GPR139: variants seen among roughly 807,000 people sequenced by gnomAD.
GPR139 encodes G protein-coupled receptor 139, also known as probable G protein-coupled receptor 139.
A neutral mutation model predicts 25.8 loss-of-function variants in GPR139; 12 were observed. That is an observed-to-expected ratio of 0.47 (90% confidence interval 0.30 to 0.75). GPR139 has a LOEUF of 0.75. Ranked by LOEUF, GPR139 falls within the 30% of genes least tolerant of loss-of-function variation. GPR139 has a pLI of 0.07. For synonymous variants in GPR139, 184 were observed against 179.9 expected (o/e 1.02, Z -0.18); for missense variants, 380 against 450.2 (o/e 0.84, Z 1.41).
chr16:20,062,223 A>T (rs2057416635), intron 1 of GPR139, among the ~76,000 whole-genome samples: 1 of 152,114 alleles, frequency 6.6e-6, no homozygotes, highest in Non-Finnish European at 1.5e-5. Flanking sequence ...TGAAGTCCTA[A>T]CCCCCAATGT....
At chr16:20,038,204 T>A (rs908298917) in intron 1 of GPR139, among the ~76,000 whole-genome samples, 3 of 152,006 alleles carry the variant, frequency 2.0e-5, no homozygotes, top group African/African-American at 7.3e-5. Context: ...ATGCCCACTT[T>A]CCCTTTCACA....
rs2764783 is a variant in GPR139 at position 20,073,306 on chromosome 16, G to A, written c.127+184C>T. Among the ~76,000 whole-genome samples the A allele has an allele frequency of 0.016, 2,368 of 146,138 alleles. 51 individuals carry two copies. Among genetic ancestry groups the A allele is most frequent in the African/African-American group, 0.051 (2,062 of 40,450 alleles). On this transcript the variant is annotated intron_variant, in intron 1 of 1. Transcript: ENST00000570682. This position sits in a 1 kb window ranked among gnomAD's most constrained non-coding sequence, Gnocchi z 4.7. The stretch of plus-strand genomic sequence containing the variant: ...CTCGCGCGCGCACACACACACACAC[G>A]GTCCCCAGCTAGGGCACAGCAACTT...
rs761772877 is a variant in GPR139, at chr16:20,032,147, C to A, written c.650G>T (p.Arg217Leu). 1.2e-6 allele frequency: 2 copies of A among 1,614,054 alleles called. No individual in the cohort carries two copies. The highest frequency in any genetic ancestry group is 2.2e-5 in the South Asian group (2 of 91,072). Residue 217 changes from arginine (R) to leucine (L), a missense_variant, in exon 2 of 2, where the codon CGT becomes CTT. Transcript: ENST00000570682. ...VYKLRRKSNF[R>L]LRGYSTGKTT... ...CTTCCCCGTGGAGTAGCCACGGAGA[C>A]GAAAATTGCTCTTCCTCCTGAGCTT...
At chr16:20,040,529 A>G (rs1007849561) in intron 1 of GPR139, among the ~76,000 whole-genome samples, 3 of 152,222 alleles carry the variant, frequency 2.0e-5, no homozygotes, top group South Asian at 2.1e-4. Flanking sequence ...CTATTGCTGG[A>G]CGTTACTTAT....
chr16:20,044,958 GTA>G (rs966979859), intron 1 of GPR139, among the ~76,000 whole-genome samples: 9 of 147,652 alleles, frequency 6.1e-5, no homozygotes, highest in Non-Finnish European at 1.2e-4. Context: ...AGCACTGACT[GTA>G]TTTGGCTCAC....
intron 1 of GPR139, among the ~76,000 whole-genome samples, chr16:20,037,013 G>C (rs2057312318): frequency 6.6e-6 from 1 of 152,108 alleles, no homozygotes; most frequent in Non-Finnish European, 1.5e-5. Flanking sequence ...AGTATAATGA[G>C]GGAGACAGAC....
At chr16:20,063,977 GA>G (rs1294388647) in intron 1 of GPR139, among the ~76,000 whole-genome samples, 1 of 152,224 alleles carries the variant, frequency 6.6e-6, no homozygotes, top group Non-Finnish European at 1.5e-5. Flanking sequence ...TGAAGGGGAA[GA>G]AAAGACCTGC....
At chr16:20,061,334 GATGGGTGGATGGATAGATGAATCA>G (rs2057413697) in intron 1 of GPR139, among the ~76,000 whole-genome samples, 1 of 151,884 alleles carries the variant, frequency 6.6e-6, no homozygotes, top group South Asian at 2.1e-4. Context: ...TGGATGGATG[GATGGGTGGATGGATAGATGAATCA>G]ATGGGTGGAT....
At chr16:20,041,243 GAGGAGAGGGAAGGAGAAAAGA>G (rs2057333465) in intron 1 of GPR139, among the ~76,000 whole-genome samples, 20 of 6,328 alleles carry the variant, frequency 3.2e-3, no homozygotes, top group Admixed American at 6.7e-3. Context: ...GAGGAGAGGA[GAGGAGAGGGAAGGAGAAAAGA>G]AAAGCATCTC....
Position 20,031,961 on chromosome 16 carries a change from G to A in GPR139, c.836C>T (p.Ala279Val), listed in dbSNP as rs761406669. The A allele has an allele frequency of 5.6e-6, 9 of 1,614,218 alleles. No homozygotes were observed. In the South Asian group the frequency reaches 9.9e-5, roughly 18 times the overall value. ...GAAGCAGTAGAGGAAGAAGTTGATG[G>A]CTGTGTTCAGAAGGGCTAGCATGTT... ...IANMLALLNT[A>V]INFFLYCFIS... Residue 279 changes from alanine to valine, a missense_variant, in exon 2 of 2, where the codon GCC (alanine) becomes GTC (valine). Physicochemically the swap from Ala to Val is moderately conservative, Grantham distance 64. Transcript: ENST00000570682.
At chr16:20,064,668 C>T (rs188043953) in intron 1 of GPR139, among the ~76,000 whole-genome samples, 5 of 152,340 alleles carry the variant, frequency 3.3e-5, no homozygotes, top group African/African-American at 1.2e-4. Context: ...ATTTCAGCTA[C>T]ACCATGAACC....
intron 1 of GPR139, among the ~76,000 whole-genome samples, chr16:20,056,600 G>A (rs2057389105): frequency 6.6e-6 from 1 of 152,174 alleles, no homozygotes; most frequent in Non-Finnish European, 1.5e-5. Flanking sequence ...TAATGGATGA[G>A]CTCTTTGTAA....
chr16:20,071,914 G>A (rs1017222932), intron 1 of GPR139, among the ~76,000 whole-genome samples: 28 of 152,212 alleles, frequency 1.8e-4, no homozygotes, highest in African/African-American at 6.3e-4. Flanking sequence ...TGCAAGGGTG[G>A]GTGGATTGTT....
Position 20,029,527 on chromosome 16 carries a change from A to G in GPR139, c.*2208T>C, listed in dbSNP as rs1030742987. Among the ~76,000 whole-genome samples, 59 of 151,708 alleles carry G rather than the reference A, an allele frequency of 3.9e-4. No individual in the cohort carries two copies. The highest frequency in any genetic ancestry group is 1.4e-3 in the African/African-American group (56 of 41,404). On this transcript the variant is annotated 3_prime_UTR_variant, in exon 2 of 2. Coordinates refer to ENST00000570682, the MANE Select transcript of GPR139 (RefSeq NM_001002911.4). ...TATTCAGTATAGGTAGCCTTTGGTC[A>G]ATGTCCATTCATAAGGGGGTGTAGT...
intron 1 of GPR139, among the ~76,000 whole-genome samples, chr16:20,058,486 G>A (rs1210358637): frequency 6.6e-6 from 1 of 152,150 alleles, no homozygotes; most frequent in African/African-American, 2.4e-5. Context: ...TGTTGGTGGA[G>A]GGAATAGGGA....
At chr16:20,034,612 G>A (rs956768821) in intron 1 of GPR139, among the ~76,000 whole-genome samples, 1 of 152,108 alleles carries the variant, frequency 6.6e-6, no homozygotes, top group Admixed American at 6.6e-5. Flanking sequence ...CAATCATGGT[G>A]CTTTACATCT....
At position 20,033,993 on chromosome 16, in the gene GPR139, A is replaced by G. The variant is rs200136780; in HGVS notation, c.128-1324T>C. Among the ~76,000 whole-genome samples the G allele has an allele frequency of 1.0e-4, 14 of 135,948 alleles. No homozygotes were observed. In the East Asian group the frequency reaches 2.9e-3, roughly 28 times the overall value. 89.2% of individuals were successfully genotyped at this position (135,948 alleles called of 152,430 possible). On this transcript the variant is annotated intron_variant, in intron 1 of 1. Coordinates refer to ENST00000570682, the MANE Select transcript of GPR139 (RefSeq NM_001002911.4). ...TAATTTCTGATCAGTTTTTTTTTTA[A>G]AAAAAGTCTCCCTGAATTAAGCATA...
At position 20,032,163 on chromosome 16, in the gene GPR139, T is replaced by C; in HGVS notation, c.634A>G (p.Arg212Gly). ...LNSIIVYKLRRKSNFRLRGYS... is the reference protein window; with the variant it reads ...LNSIIVYKLRGKSNFRLRGYS... Reference sequence around the variant, plus strand: ...CCACGGAGACGAAAATTGCTCTTCCTCCTGAGCTTGTACACAATGATTGAG... The same window carrying C: ...CCACGGAGACGAAAATTGCTCTTCCCCCTGAGCTTGTACACAATGATTGAG... The change falls in exon 2 of 2, where the codon AGG (arginine) becomes GGG (glycine). Residue 212 changes from arginine to glycine, a missense_variant. Arg to Gly is a moderately radical substitution (Grantham distance 125). Transcript: ENST00000570682. The C allele has an allele frequency of 6.2e-7, 1 of 1,614,154 alleles. No individual in the cohort carries two copies. Among genetic ancestry groups the C allele is most frequent in the Non-Finnish European group, 8.5e-7 (1 of 1,180,024 alleles).
Position 20,029,508 on chromosome 16 carries a change from G to T in GPR139, c.*2227C>A, listed in dbSNP as rs918811642. 6.7e-6 allele frequency among the ~76,000 whole-genome samples: 1 copy of T among 149,992 alleles called. No individual in the cohort carries two copies. The highest frequency in any genetic ancestry group is 1.5e-5 in the Non-Finnish European group (1 of 67,588). On this transcript the variant is annotated 3_prime_UTR_variant, in exon 2 of 2. Coordinates refer to ENST00000570682, the MANE Select transcript of GPR139 (RefSeq NM_001002911.4). ...AAATATATATATATATATATATTCA[G>T]TATAGGTAGCCTTTGGTCAATGTCC...
Sources: allele counts gnomAD v4.1 joint callset (sites outside exome capture counted in the v4.1 genomes callset), GRCh38; gene constraint gnomAD v4.1.1; non-coding constraint Gnocchi (gnomAD v3.1); transcripts MANE v1.5; gene names NCBI Gene and HGNC (gene_info 2026-07-23, HGNC 2026-07-21).